The following ARHGAP30 variants were observed in gnomAD, a reference collection of about 807,000 sequenced individuals.
ARHGAP30 encodes rho GTPase-activating protein 30.
Under a neutral mutation model 72.0 loss-of-function variants are expected in ARHGAP30, and 23 were observed. The observed-to-expected ratio is 0.32, with a 90% CI of 0.23 to 0.45. ARHGAP30 has a LOEUF of 0.45. Among genes scored for constraint, ARHGAP30 ranks in the 20% least tolerant of loss-of-function variants. The probability of loss-of-function intolerance (pLI) is 1.00; values close to 1 mark genes in which losing one functional copy is unlikely to be tolerated. For synonymous variants in ARHGAP30, 576 were observed against 528.2 expected (o/e 1.09, Z -1.24); for missense variants, 1,319 against 1,383.4 (o/e 0.95, Z 0.74).
chr1:161,058,212 T>C (rs1214737549), intron 2 of ARHGAP30, among the ~76,000 whole-genome samples: 4 of 151,802 alleles, frequency 2.6e-5, no homozygotes, highest in Non-Finnish European at 4.4e-5. Context: ...CTCGGGAGGC[T>C]GAGGCAGGAG....
intron 1 of ARHGAP30, among the ~76,000 whole-genome samples, chr1:161,060,984 G>A (rs545199211): frequency 5.3e-5 from 8 of 151,712 alleles, no homozygotes; most frequent in South Asian, 4.2e-4. Flanking sequence ...GATTACAGGC[G>A]TGAGCCACCG....
Position 161,047,649 on chromosome 1 carries a change from C to A in ARHGAP30, c.*66G>T. The A allele has an allele frequency of 6.8e-7, 1 of 1,470,396 alleles. No individual in the cohort carries two copies. The highest frequency in any genetic ancestry group is 1.5e-5 in the South Asian group (1 of 67,508). The allele number at this position is 1,470,396 out of a possible 1,614,324, so 91.1% of individuals were successfully genotyped here. ...GCTGCTCATGCTGCAGAGGAGACAG[C>A]TAGTCAGGAACCCTGGAGATTCAAG... is the stretch of plus-strand genomic sequence containing the variant. On this transcript the variant is annotated 3_prime_UTR_variant, in exon 12 of 12. Transcript: ENST00000368013.
chr1:161,069,692 A>G lies in ARHGAP30; in HGVS notation c.-68T>C, dbSNP rs1571137337. 3.4e-6 allele frequency: 5 copies of G among 1,472,230 alleles called. No homozygotes were observed. The highest frequency in any genetic ancestry group is 4.7e-6 in the Non-Finnish European group (5 of 1,068,026). 91.2% of individuals were successfully genotyped at this position (1,472,230 alleles called of 1,614,324 possible). On this transcript the variant is annotated 5_prime_UTR_variant, in exon 1 of 12. It removes an upstream start codon present in the reference 5' UTR. Transcript: ENST00000368013. The surrounding 1 kb of genome is among the most constrained non-coding windows in gnomAD (Gnocchi z 4.9). ...AAGACCTGTGCCCTACCAGTCCCCC[A>G]TGGGATCCCAGCCAGCTGCTGGGCT...
In ARHGAP30 at chr1:161,069,866, G is replaced by A. The variant is rs1653050646; in HGVS notation, c.-242C>T. 3.6e-6 allele frequency: 2 copies of A among 558,876 alleles called. No homozygotes were observed. Among genetic ancestry groups the A allele is most frequent in the African/African-American group, 3.8e-5 (2 of 53,160 alleles). 34.6% of individuals were successfully genotyped at this position (558,876 alleles called of 1,614,324 possible). On this transcript the variant is annotated 5_prime_UTR_variant, in exon 1 of 12. Transcript: ENST00000368013. The surrounding 1 kb of genome is among the most constrained non-coding windows in gnomAD (Gnocchi z 4.9). Reference sequence around the variant, plus strand: ...GGACCCTGGCAAGAAATTGTGTCCTGTGTCTCGTGGCCCAGCCTGGCACTC... The same window carrying A: ...GGACCCTGGCAAGAAATTGTGTCCTATGTCTCGTGGCCCAGCCTGGCACTC...
At chr1:161,059,574 GCCT>G in intron 2 of ARHGAP30, 37 bp downstream of exon 2, 1 of 1,550,140 alleles carries the variant, frequency 6.5e-7, no homozygotes, top group Non-Finnish European at 8.8e-7. Flanking sequence ...TGGCTCCCTG[GCCT>G]CCTGGTCACA....
intron 1 of ARHGAP30, among the ~76,000 whole-genome samples, chr1:161,065,545 C>CTTTTTCT (rs548985770): frequency 6.6e-6 from 1 of 151,522 alleles, no homozygotes; most frequent in Non-Finnish European, 1.5e-5. Context: ...TTTCTTTTTT[C>CTTTTTCT]TTTTTCTTTT....
chr1:161,058,278 CTACAGCCTGG>C (rs1652038982), intron 2 of ARHGAP30, among the ~76,000 whole-genome samples: 1 of 151,110 alleles, frequency 6.6e-6, no homozygotes, highest in Non-Finnish European at 1.5e-5. Flanking sequence ...CGCCACTGCA[CTACAGCCTGG>C]GCAGCAGAGC....
intron 1 of ARHGAP30, 148 bp from the exon 2 acceptor site, chr1:161,059,864 C>T: frequency 1.5e-6 from 1 of 650,646 alleles, no homozygotes; most frequent in Non-Finnish European, 2.6e-6. Context: ...TACAGATCAT[C>T]AGCTTCAACC....
Position 161,048,446 on chromosome 1 carries a change from C to T in ARHGAP30, c.2575G>A (p.Asp859Asn), listed in dbSNP as rs1465438364. 1 of 1,613,990 alleles carries T rather than the reference C, an allele frequency of 6.2e-7. No homozygotes were observed. The highest frequency in any genetic ancestry group is 8.5e-7 in the Non-Finnish European group (1 of 1,180,030). The change falls in exon 12 of 12, where the codon GAC becomes AAC. Residue 859 changes from aspartate to asparagine, a missense_variant. By Grantham distance (23) the Asp-to-Asn change is conservative. This residue lies in a region of ARHGAP30 where 1,097 missense variants were observed against 1,045.2 expected (regional missense o/e 1.05). Transcript: ENST00000368013. ...QRAGGYYLEE[D>N]TLSEGSGVAS... ...ACACCTGAACCTTCAGAGAGGGTGTCCTCTTCTAAATAGTACCCTCCAGCC... is the reference window on the plus strand; with the variant it reads ...ACACCTGAACCTTCAGAGAGGGTGTTCTCTTCTAAATAGTACCCTCCAGCC...
chr1:161,053,462 TTC>T (rs57196073), intron 5 of ARHGAP30, 77 bp from the exon 6 acceptor site: 25,700 of 688,062 alleles, frequency 0.037, 119 homozygotes, highest in Non-Finnish European at 0.039. Context: ...AAATACCTTA[TTC>T]TCTCTCTCTC....
rs887186186 is a variant in ARHGAP30 at position 161,051,477 on chromosome 1, G to A, written c.1257C>T (p.Asn419=). 6.2e-7 allele frequency: 1 copy of A among 1,614,136 alleles called. No individual in the cohort carries two copies. Among genetic ancestry groups the A allele is most frequent in the African/African-American group, 1.3e-5 (1 of 74,956 alleles). ...GVHISDPYNV[N]LPLHITSILS... The stretch of plus-strand genomic sequence containing the variant: ...GGATAGAGGTGATGTGTAGCGGGAG[G>A]TTGACATTGTAGGGGTCTGAGATGT... Residue 419 remains asparagine, a synonymous_variant, in exon 10 of 12, where the codon AAC becomes AAT. Coordinates refer to ENST00000368013, the MANE Select transcript of ARHGAP30 (RefSeq NM_001025598.2).
intron 10 of ARHGAP30, among the ~76,000 whole-genome samples, chr1:161,050,696 A>G (rs1651294441): frequency 6.6e-6 from 1 of 151,452 alleles, no homozygotes; most frequent in African/African-American, 2.4e-5. Context: ...GCTAGAGTGC[A>G]GTGGCGTGAT....
In ARHGAP30 at chr1:161,063,095, G is replaced by A. The variant is rs554794774; in HGVS notation, c.98-3379C>T. Among the ~76,000 whole-genome samples the A allele has an allele frequency of 7.9e-5, 12 of 152,320 alleles. No individual in the cohort carries two copies. The South Asian group carries it at 2.5e-3, about 32-fold the overall frequency. On this transcript the variant is annotated intron_variant, in intron 1 of 11. Transcript: ENST00000368013. ...CTCAAAGTGCTGGGATTACAGGCGT[G>A]AGCCACTGCGCCCAGCCATTCATGT...
At chr1:161,060,064 T>C in intron 1 of ARHGAP30, 1 of 318,084 alleles carries the variant, frequency 3.1e-6, no homozygotes, top group South Asian at 2.5e-5. Flanking sequence ...GTGAGTTGCT[T>C]GAGCCCAGGA....
At chr1:161,052,134 A>G in intron 9 of ARHGAP30, 152 bp downstream of exon 9, 1 of 794,324 alleles carries the variant, frequency 1.3e-6, no homozygotes, top group Non-Finnish European at 2.1e-6. Flanking sequence ...TCACCGTAGC[A>G]TTCAGCTACA....
At chr1:161,064,011 C>CGCTTTGGT (rs1652507925) in intron 1 of ARHGAP30, among the ~76,000 whole-genome samples, 1 of 152,226 alleles carries the variant, frequency 6.6e-6, no homozygotes, top group South Asian at 2.1e-4. Context: ...ATTTTAATTT[C>CGCTTTGGT]GCTTTGGTCC....
intron 1 of ARHGAP30, among the ~76,000 whole-genome samples, chr1:161,067,590 G>GAAAGAA (rs1468981802): frequency 1.3e-5 from 2 of 151,522 alleles, no homozygotes; most frequent in Non-Finnish European, 2.9e-5. Context: ...AAGAAAGAAA[G>GAAAGAA]AAAGAAACCT....
chr1:161,067,031 T>A (rs1347094445), intron 1 of ARHGAP30, among the ~76,000 whole-genome samples: 1 of 152,016 alleles, frequency 6.6e-6, no homozygotes, highest in Non-Finnish European at 1.5e-5. Context: ...ACCTCCAGAG[T>A]CCTTTAAAGG....
chr1:161,053,533 C>T (rs1651603562), intron 5 of ARHGAP30, 148 bp from the exon 6 acceptor site: 4 of 1,079,966 alleles, frequency 3.7e-6, no homozygotes, highest in Admixed American at 5.7e-5. Flanking sequence ...TTCTCTACCT[C>T]TTAAATTGTA....
Sources: allele counts gnomAD v4.1 joint callset (sites outside exome capture counted in the v4.1 genomes callset), GRCh38; gene constraint gnomAD v4.1.1; regional missense constraint gnomAD v4.1.1; non-coding constraint Gnocchi (gnomAD v3.1); transcripts MANE v1.5; gene names NCBI Gene and HGNC (gene_info 2026-07-23, HGNC 2026-07-21).